Variants in GGTLC1 observed in about 807,000 individuals in gnomAD.
GGTLC1 encodes the protein gamma-glutamyltransferase light chain 1.
A neutral mutation model predicts 19.5 loss-of-function variants in GGTLC1; 14 were observed. The ratio of observed to expected loss-of-function variants is 0.72; its 90% CI spans 0.47 to 1.12. The LOEUF (loss-of-function observed/expected upper bound fraction) is 1.12. Ranked by LOEUF, GGTLC1 falls within the 50% of genes most tolerant of loss-of-function variation. GGTLC1 has a pLI of 0.00. For synonymous variants in GGTLC1, 110 were observed against 124.2 expected (o/e 0.89, Z 0.76); for missense variants, 304 against 309.2 (o/e 0.98, Z 0.13).
At chr20:23,987,796 G>T (rs1245399292) in intron 1 of GGTLC1, among the ~76,000 whole-genome samples, 1 of 150,832 alleles carries the variant, frequency 6.6e-6, no homozygotes, top group Non-Finnish European at 1.5e-5. Flanking sequence ...GGGAGGCCGA[G>T]GCCTGTAATC....
Position 23,985,763 on chromosome 20 carries a change from G to A in GGTLC1, c.435C>T (p.Leu145=). Residue 145 remains leucine, a synonymous_variant, in exon 5 of 6, where the codon CTC becomes CTT. Coordinates refer to ENST00000335694, the MANE Select transcript of GGTLC1 (RefSeq NM_178311.3). The part of the protein sequence containing the change: ...MATALAIIYN[L]WFGYDVKWAV... ...CCCACTTCACGTCATAGCCGAACCAGAGGTTGTAGATGATGGCCTGGGGCA... is the reference window on the plus strand; with the variant it reads ...CCCACTTCACGTCATAGCCGAACCAAAGGTTGTAGATGATGGCCTGGGGCA... 1 of 1,612,060 alleles carries A rather than the reference G, an allele frequency of 6.2e-7. No individual in the cohort carries two copies. Among genetic ancestry groups the A allele is most frequent in the Non-Finnish European group, 8.5e-7 (1 of 1,179,862 alleles).
rs760906005 is a variant in GGTLC1, at chr20:23,986,517, G to A, written c.95C>T (p.Pro32Leu). ...ISYYKPEFYMPDDGGTAHLSV... is the reference protein window; with the variant it reads ...ISYYKPEFYMLDDGGTAHLSV... Reference sequence around the variant, plus strand: ...CAGGTGAGCAGTGCCCCCGTCATCCGGCATGTAGAACTCGGGCTTGTAGTA... The same window carrying A: ...CAGGTGAGCAGTGCCCCCGTCATCCAGCATGTAGAACTCGGGCTTGTAGTA... Residue 32 changes from proline (P) to leucine (L), a missense_variant, in exon 2 of 6, where the codon CCG (proline) becomes CTG (leucine). Coordinates refer to ENST00000335694, the MANE Select transcript of GGTLC1 (RefSeq NM_178311.3). The A allele has an allele frequency of 3.0e-5, 48 of 1,611,890 alleles. No individual in the cohort carries two copies. Among genetic ancestry groups the A allele is most frequent in the Middle Eastern group, 4.5e-4 (2 of 4,452 alleles).
intron 1 of GGTLC1, among the ~76,000 whole-genome samples, chr20:23,988,077 C>T (rs1213362420): frequency 1.3e-5 from 1 of 77,248 alleles, no homozygotes; most frequent in Non-Finnish European, 2.6e-5. Flanking sequence ...AAGAGTCTGG[C>T]TCTGTTGCCC....
At chr20:23,985,590 T>A in intron 5 of GGTLC1, 77 bp downstream of exon 5, 1 of 1,608,456 alleles carries the variant, frequency 6.2e-7, no homozygotes, top group Non-Finnish European at 8.5e-7. Context: ...TTGTCCACTC[T>A]GTGATGATCC....
rs201992178 is a variant in GGTLC1, at chr20:23,985,778, G to A, written c.420C>T (p.Ala140=). The change falls in exon 5 of 6, where the codon GCC becomes GCT. Residue 140 remains alanine (A), a splice_region_variant and synonymous_variant. Transcript: ENST00000335694. The part of the protein sequence containing the change: ...GTQITMATAL[A]IIYNLWFGYD... ...AGCCGAACCAGAGGTTGTAGATGAT[G>A]GCCTGGGGCATGGGAGTGTGATCAG... 102 of 1,612,034 alleles carry A rather than the reference G, an allele frequency of 6.3e-5. No homozygotes were observed. The highest frequency in any genetic ancestry group is 1.8e-4 in the Admixed American group (11 of 60,020).
At position 23,986,446 on chromosome 20, in the gene GGTLC1, T is replaced by C; in HGVS notation, c.166A>G (p.Ile56Val). ...DGSAVSATST[I>V]NLYFGSKVRS... ...CCCAGCAGCCCCTACTAGAGGTTGA[T>C]GGTGCTGGTGGCGGACACAGCACTG... The change falls in exon 2 of 6, where the codon ATC becomes GTC. Residue 56 changes from isoleucine to valine, a missense_variant. Transcript: ENST00000335694. The C allele has an allele frequency of 6.2e-7, 1 of 1,611,866 alleles. No homozygotes were observed. The highest frequency in any genetic ancestry group is 8.5e-7 in the Non-Finnish European group (1 of 1,179,824).
Position 23,986,428 on chromosome 20 carries a change from G to A in GGTLC1, c.176+8C>T, listed in dbSNP as rs1987918330. 6.2e-7 allele frequency: 1 copy of A among 1,611,376 alleles called. No homozygotes were observed. Among genetic ancestry groups the A allele is most frequent in the South Asian group, 1.1e-5 (1 of 90,948 alleles). Reference sequence around the variant, plus strand: ...CCTTTCCCACCCAGGCGGCCCAGCAGCCCCTACTAGAGGTTGATGGTGCTG... The same window carrying A: ...CCTTTCCCACCCAGGCGGCCCAGCAACCCCTACTAGAGGTTGATGGTGCTG... On this transcript the variant is annotated splice_region_variant and intron_variant, in intron 2 of 5. Coordinates refer to ENST00000335694, the MANE Select transcript of GGTLC1 (RefSeq NM_178311.3).
intron 1 of GGTLC1, among the ~76,000 whole-genome samples, chr20:23,987,834 C>G (rs866421438): frequency 1.3e-5 from 2 of 149,622 alleles, no homozygotes; most frequent in East Asian, 2.0e-4. Context: ...CGGATCACGA[C>G]GTCAGGAGAT....
chr20:23,986,539 A>C lies in GGTLC1; in HGVS notation c.73T>G (p.Tyr25Asp). ...TCCGGCATGTAGAACTCGGGCTTGT[A>C]GTAGGAGATCGGGTGAGTGGTGTCG... ...SDDTTHPISY[Y>D]KPEFYMPDDG... The change falls in exon 2 of 6, where the codon TAC (tyrosine) becomes GAC (aspartate). Residue 25 changes from tyrosine (Y) to aspartate (D), a missense_variant. Transcript: ENST00000335694. The C allele has an allele frequency of 6.2e-7, 1 of 1,611,084 alleles. No individual in the cohort carries two copies. The highest frequency in any genetic ancestry group is 8.5e-7 in the Non-Finnish European group (1 of 1,179,588).
chr20:23,986,389 C>T (rs372298499), intron 2 of GGTLC1, 47 bp downstream of exon 2: 268 of 1,606,108 alleles, frequency 1.7e-4, no homozygotes, highest in Admixed American at 3.9e-4. Context: ...GTCCCTGAGC[C>T]ACCCTCCCCT....
intron 1 of GGTLC1, 79 bp from the exon 2 acceptor site, chr20:23,986,724 C>G (rs867767674): frequency 6.6e-7 from 1 of 1,517,802 alleles, no homozygotes; most frequent in Non-Finnish European, 8.9e-7. Context: ...CCACAACCCT[C>G]TGGCACCCAC....
chr20:23,987,858 G>C (rs1391516791), intron 1 of GGTLC1, among the ~76,000 whole-genome samples: 1 of 149,284 alleles, frequency 6.7e-6, no homozygotes, highest in Non-Finnish European at 1.5e-5. Context: ...GACCATCCTG[G>C]CTAACACAGT....
At chr20:23,985,584 C>T (rs75590257) in intron 5 of GGTLC1, 83 bp downstream of exon 5, 638 of 1,607,250 alleles carry the variant, frequency 4.0e-4, no homozygotes, top group Non-Finnish European at 5.0e-4. Flanking sequence ...CAACCATTGT[C>T]CACTCTGTGA....
rs978371947 is a variant in GGTLC1, at chr20:23,985,084, C to G, written c.*132G>C. 1.4e-6 allele frequency: 2 copies of G among 1,389,182 alleles called. No homozygotes were observed. The highest frequency in any genetic ancestry group is 2.9e-5 in the African/African-American group (2 of 70,082). 86.1% of individuals were successfully genotyped at this position (1,389,182 alleles called of 1,614,324 possible). ...GACAGGCCAGGGAGGCCACCTGGAG[C>G]CTGGCACAGTGGCCTCATTTATTGT... is the stretch of plus-strand genomic sequence containing the variant. On this transcript the variant is annotated 3_prime_UTR_variant, in exon 6 of 6. Transcript: ENST00000335694.
Position 23,986,180 on chromosome 20 carries a change from G to A in GGTLC1, c.200C>T (p.Pro67Leu), listed in dbSNP as rs374913892. The change falls in exon 3 of 6, where the codon CCA (proline) becomes CTA (leucine). Residue 67 changes from proline to leucine, a missense_variant. By Grantham distance (98) the Pro-to-Leu change is moderately conservative. Coordinates refer to ENST00000335694, the MANE Select transcript of GGTLC1 (RefSeq NM_178311.3). ...ATTATTGAGCAGGATCCCGCTGACT[G>A]GGGAGCGCACCTTGGAGCCAAAGCT... ...NLYFGSKVRS[P>L]VSGILLNNEM... 5.6e-5 allele frequency: 90 copies of A among 1,612,558 alleles called. 1 individual carries two copies. The Middle Eastern group carries it at 1.2e-3, about 21-fold the overall frequency.
rs529858739 is a variant in GGTLC1 at position 23,986,758 on chromosome 20, C to A, written c.-34-113G>T. Reference sequence around the variant, plus strand: ...ACAACCTTCCGTGGCTCCCCAGGACCCAAGGGCAGGCCCAGGACCTTGCAT... The same window carrying A: ...ACAACCTTCCGTGGCTCCCCAGGACACAAGGGCAGGCCCAGGACCTTGCAT... On this transcript the variant is annotated intron_variant, in intron 1 of 5. Coordinates refer to ENST00000335694, the MANE Select transcript of GGTLC1 (RefSeq NM_178311.3). 18 of 1,452,616 alleles carry A rather than the reference C, an allele frequency of 1.2e-5. No homozygotes were observed. In the African/African-American group the frequency reaches 2.1e-4, roughly 17 times the overall value. The allele number at this position is 1,452,616 out of a possible 1,614,324, so 90.0% of individuals were successfully genotyped here.
chr20:23,986,079 G>T lies in GGTLC1; in HGVS notation c.301C>A (p.Pro101Thr). 6.2e-7 allele frequency: 1 copy of T among 1,613,748 alleles called. No individual in the cohort carries two copies. The highest frequency in any genetic ancestry group is 8.5e-7 in the Non-Finnish European group (1 of 1,179,846). The change falls in exon 3 of 6, where the codon CCA becomes ACA. Residue 101 changes from proline to threonine, a missense_variant. By Grantham distance (38) the Pro-to-Thr change is conservative (BLOSUM62 -1). Coordinates refer to ENST00000335694, the MANE Select transcript of GGTLC1 (RefSeq NM_178311.3). ...VPPSPANFIQPGKQPLSSMCP... is the reference protein window; with the variant it reads ...VPPSPANFIQTGKQPLSSMCP... Reference sequence around the variant, plus strand: ...CCCTCGGACCTCCACCCCATACCTGGCTGGATGAAATTGGCAGGTGAGGGG... The same window carrying T: ...CCCTCGGACCTCCACCCCATACCTGTCTGGATGAAATTGGCAGGTGAGGGG...
Position 23,988,764 on chromosome 20 carries a change from G to C in GGTLC1, c.-190C>G, listed in dbSNP as rs114485293. 1,643 of 239,388 alleles carry C rather than the reference G, an allele frequency of 6.9e-3. 27 individuals carry two copies. Among genetic ancestry groups the C allele is most frequent in the African/African-American group, 0.035 (1,554 of 43,898 alleles). The allele number at this position is 239,388 out of a possible 1,614,324, so 14.8% of individuals were successfully genotyped here. ...GAGTTGGCGGCTGGACGAGGACGCA[G>C]AGCCCAGCTCTCGAGAGTTCAAGCA... On this transcript the variant is annotated 5_prime_UTR_variant, in exon 1 of 6. Transcript: ENST00000335694.
Position 23,985,730 on chromosome 20 carries a change from C to T in GGTLC1, c.468G>A (p.Glu156=). 1 of 1,612,070 alleles carries T rather than the reference C, an allele frequency of 6.2e-7. No individual in the cohort carries two copies. The highest frequency in any genetic ancestry group is 8.5e-7 in the Non-Finnish European group (1 of 1,179,872). ...WFGYDVKWAV[E]EPRLHNQLLP... is the part of the protein sequence containing the mutation. ...GAAGCTGGTTGTGCAGCCGGGGCTC[C>T]TCCACGGCCCACTTCACGTCATAGC... Residue 156 remains glutamate (E), a synonymous_variant, in exon 5 of 6, where the codon GAG becomes GAA. Coordinates refer to ENST00000335694, the MANE Select transcript of GGTLC1 (RefSeq NM_178311.3).
Sources: gnomAD v4.1 joint callset for allele counts (sites outside exome capture counted in the v4.1 genomes callset) on GRCh38, gnomAD v4.1.1 for gene constraint, MANE v1.5 for transcripts, NCBI Gene and HGNC (gene_info 2026-07-23, HGNC 2026-07-21) for gene names.